The following VSIG1 variants were observed in gnomAD, a reference collection of about 807,000 sequenced individuals.
VSIG1 encodes V-set and immunoglobulin domain containing 1.
Under a neutral mutation model 20.1 loss-of-function variants are expected in VSIG1, and 11 were observed. The ratio of observed to expected loss-of-function variants is 0.55; its 90% CI spans 0.34 to 0.91. The LOEUF is 0.91. Among genes scored for constraint, VSIG1 ranks in the 40% least tolerant of loss-of-function variants. The pLI, the probability that VSIG1 is intolerant of heterozygous loss-of-function variation, is 0.02. For missense variants in VSIG1, 283 were observed against 298.8 expected (o/e 0.95, Z 0.39); for synonymous variants, 126 against 116.7 (o/e 1.08, Z -0.52).
At chrX:108,027,296 T>C in the VSIG1 span, among the ~76,000 whole-genome samples, 1 of 112,273 alleles carries the variant, frequency 8.9e-6, no homozygotes, top group Non-Finnish European at 1.9e-5. Flanking sequence ...GATGCATGGA[T>C]AAACATATAA....
chrX:108,063,752 G>A (rs2031075234), intron 2 of VSIG1, among the ~76,000 whole-genome samples: 1 of 111,515 alleles, frequency 9.0e-6, no homozygotes, highest in East Asian at 2.8e-4. Flanking sequence ...CACCCTGGGG[G>A]CAGGCAGAGA....
chrX:108,026,438 T>C, the VSIG1 span, among the ~76,000 whole-genome samples: 1 of 111,024 alleles, frequency 9.0e-6, no homozygotes, highest in East Asian at 2.8e-4. Context: ...CTTGAGAGAG[T>C]AGCAAAGCAT....
At chrX:108,044,664 A>G (rs1323628345), upstream of VSIG1, among the ~76,000 whole-genome samples, 1 of 111,711 alleles carries the variant, frequency 9.0e-6, no homozygotes, top group East Asian at 2.8e-4. Context: ...GAAACGATAT[A>G]GTACCAATTT....
At chrX:108,069,649 A>G (rs191190826) in intron 3 of VSIG1, among the ~76,000 whole-genome samples, 3 of 111,804 alleles carry the variant, frequency 2.7e-5, no homozygotes, top group Non-Finnish European at 5.6e-5. Flanking sequence ...GTGAGCATCA[A>G]TCCCATGCAT....
intron 1 of VSIG1, among the ~76,000 whole-genome samples, chrX:108,051,714 T>A (rs184752546): frequency 5.8e-3 from 647 of 110,774 alleles, no homozygotes; most frequent in Non-Finnish European, 9.7e-3. Flanking sequence ...GTAGCCATCA[T>A]AAAAATGCCT....
At chrX:108,047,889 CACAT>C (rs776568784) in intron 1 of VSIG1, among the ~76,000 whole-genome samples, 789 of 29,602 alleles carry the variant, frequency 0.027, 56 homozygotes, top group East Asian at 0.1. Context: ...TATATATACA[CACAT>C]ATATATATAT....
At chrX:108,033,734 G>C in the VSIG1 span, among the ~76,000 whole-genome samples, 1 of 110,531 alleles carries the variant, frequency 9.0e-6, no homozygotes, top group African/African-American at 3.3e-5. Flanking sequence ...GAGACTGTTA[G>C]AAAACCACTG....
At chrX:108,058,332 G>C in intron 2 of VSIG1, 131 bp downstream of exon 2, 1 of 629,645 alleles carries the variant, frequency 1.6e-6, no homozygotes, top group South Asian at 3.0e-5. Flanking sequence ...GATACAAAAA[G>C]TTTGAAGACA....
chrX:108,065,051 C>A (rs2031100168), intron 2 of VSIG1, among the ~76,000 whole-genome samples: 1 of 111,717 alleles, frequency 9.0e-6, no homozygotes, highest in South Asian at 3.8e-4. Flanking sequence ...ATTTATAATG[C>A]AAGCAAGAAA....
chrX:108,038,915 A>G, the VSIG1 span, among the ~76,000 whole-genome samples: 1 of 111,850 alleles, frequency 8.9e-6, no homozygotes, highest in East Asian at 2.8e-4. Context: ...TATAGTCAGC[A>G]TAAGAATTAA....
the VSIG1 span, among the ~76,000 whole-genome samples, chrX:108,021,354 A>G: frequency 9.0e-6 from 1 of 111,470 alleles, no homozygotes; most frequent in East Asian, 2.8e-4. Flanking sequence ...AGGAAGTAAA[A>G]CCAGCTTGTT....
rs1483161931 is a variant in VSIG1, at chrX:108,047,923, T to TATATATATATACAC, written c.49+2756_49+2769dup. 1.7e-4 allele frequency among the ~76,000 whole-genome samples: 3 copies of TATATATATATACAC among 17,627 alleles called. 1 individual carries two copies. Among genetic ancestry groups the TATATATATATACAC allele is most frequent in the African/African-American group, 8.8e-4 (3 of 3,398 alleles). 15.3% of individuals were successfully genotyped at this position (17,627 alleles called of 115,157 possible). ...ATATATACACATATATATATACACA[T>TATATATATATACAC]ATATATATATACACATATATATATA... On this transcript the variant is annotated intron_variant, in intron 1 of 6. Transcript: ENST00000217957.
rs755829082 is a variant in VSIG1, at chrX:108,076,081, A to G, written c.693A>G (p.Pro231=). The G allele has an allele frequency of 8.3e-7, 1 of 1,211,277 alleles. No homozygotes were observed. Among genetic ancestry groups the G allele is most frequent in the African/African-American group, 1.7e-5 (1 of 57,859 alleles). The change falls in exon 6 of 7, where the codon CCA becomes CCG. Residue 231 remains proline, a synonymous_variant. Transcript: ENST00000217957. ...CCAGCTGCTTGTATCCTTCAGATCC[A>G]GAAGTTGGAATCATTGTTGGGGCCT... ...SCEIDLTSSH[P]EVGIIVGALI...
chrX:108,066,633 G>C (rs1417700732), intron 2 of VSIG1, among the ~76,000 whole-genome samples: 1 of 111,669 alleles, frequency 9.0e-6, no homozygotes, highest in Non-Finnish European at 1.9e-5. Flanking sequence ...TGAGCATCTT[G>C]ATCTCCTAGC....
the VSIG1 span, among the ~76,000 whole-genome samples, chrX:108,031,103 C>T: frequency 1.1e-4 from 12 of 111,795 alleles, no homozygotes; most frequent in Non-Finnish European, 1.9e-4. Context: ...GATCTGCCCT[C>T]CAAATACTCC....
intron 6 of VSIG1, among the ~76,000 whole-genome samples, chrX:108,076,842 C>T (rs868219210): frequency 8.9e-6 from 1 of 112,217 alleles, no homozygotes; most frequent in South Asian, 3.7e-4. Flanking sequence ...ACTGCTCTTT[C>T]TTAAACTTTC....
chrX:108,073,699 C>A, intron 5 of VSIG1: 1 of 173,256 alleles, frequency 5.8e-6, no homozygotes, highest in African/African-American at 3.0e-5. Flanking sequence ...GTTGGTAAAT[C>A]CAGGTGACAC....
chrX:108,058,952 G>A lies in VSIG1; in HGVS notation c.213+751G>A, dbSNP rs747341386. On this transcript the variant is annotated intron_variant, in intron 2 of 6. Coordinates refer to ENST00000217957, the MANE Select transcript of VSIG1 (RefSeq NM_182607.5). The stretch of plus-strand genomic sequence containing the variant: ...TGTGTGTGTGTGTGTGTGTGTGTGC[G>A]CATGCATATGCACGTGCGTGTGTGT... Among the ~76,000 whole-genome samples, 9 of 111,185 alleles carry A rather than the reference G, an allele frequency of 8.1e-5. No homozygotes were observed. In the South Asian group the frequency reaches 1.5e-3, roughly 19 times the overall value.
At chrX:108,027,402 C>T in the VSIG1 span, among the ~76,000 whole-genome samples, 1 of 111,625 alleles carries the variant, frequency 9.0e-6, no homozygotes, top group Admixed American at 9.5e-5. Context: ...GTTAAAGAAG[C>T]CAGATACAAA....
Sources: allele counts gnomAD v4.1 joint callset (sites outside exome capture counted in the v4.1 genomes callset), GRCh38; gene constraint gnomAD v4.1.1; transcripts MANE v1.5; gene names NCBI Gene and HGNC (gene_info 2026-07-23, HGNC 2026-07-21).